ILRUN: variants seen among roughly 807,000 people sequenced by gnomAD.
ILRUN encodes the protein protein ILRUN.
ILRUN carries 3 observed loss-of-function variants against 33.8 expected under a neutral mutation model. That is an observed-to-expected ratio of 0.09 (90% CI 0.04 to 0.23). The LOEUF is 0.23. Ranked by LOEUF, ILRUN falls within the 10% of genes least tolerant of loss-of-function variation. The pLI is 1.00. For missense variants in ILRUN, 210 were observed against 375.1 expected (o/e 0.56, Z 3.64); for synonymous variants, 124 against 138.9 (o/e 0.89, Z 0.75).
chr6:34,682,319 G>C (rs1212095251), intron 1 of ILRUN, among the ~76,000 whole-genome samples: 2 of 148,048 alleles, frequency 1.4e-5, no homozygotes, highest in Non-Finnish European at 3.0e-5. Context: ...GTGCGGTGGC[G>C]CGATCTCGGC....
At chr6:34,648,106 T>C (rs1194088485) in intron 2 of ILRUN, among the ~76,000 whole-genome samples, 1 of 152,238 alleles carries the variant, frequency 6.6e-6, no homozygotes, top group South Asian at 2.1e-4. Flanking sequence ...AGTGACTAGA[T>C]GTGATTTTTC....
At chr6:34,639,123 A>G (rs1762420745) in intron 3 of ILRUN, among the ~76,000 whole-genome samples, 1 of 152,256 alleles carries the variant, frequency 6.6e-6, no homozygotes, top group Non-Finnish European at 1.5e-5. Context: ...TAAACAGTGT[A>G]GTTTACATAG....
chr6:34,588,369 A>G lies in ILRUN; in HGVS notation c.*2196T>C. ...CCCTGCTGGGAAACTGGGAAGGGGC[A>G]CCCAGTGTTGGGCAGAAGAGGAAGT... On this transcript the variant is annotated 3_prime_UTR_variant, in exon 5 of 5. Coordinates refer to ENST00000374023, the MANE Select transcript of ILRUN (RefSeq NM_024294.4). 1 of 397,510 alleles carries G rather than the reference A, an allele frequency of 2.5e-6. No homozygotes were observed. Among genetic ancestry groups the G allele is most frequent in the Non-Finnish European group, 4.4e-6 (1 of 225,888 alleles). The allele number at this position is 397,510 out of a possible 1,614,324, so 24.6% of individuals were successfully genotyped here.
chr6:34,639,720 AGAACCAGTTTCCTTCT>A (rs2127354964), intron 3 of ILRUN, among the ~76,000 whole-genome samples: 1 of 152,340 alleles, frequency 6.6e-6, no homozygotes, highest in South Asian at 2.1e-4. Context: ...TTAACACCCT[AGAACCAGTTTCCTTCT>A]GAACCCCATA....
chr6:34,663,625 T>A (rs900869879), intron 1 of ILRUN, among the ~76,000 whole-genome samples: 3 of 152,164 alleles, frequency 2.0e-5, no homozygotes, highest in African/African-American at 4.8e-5. Flanking sequence ...AATATAGGCA[T>A]GAGCCACCCC....
intron 3 of ILRUN, among the ~76,000 whole-genome samples, chr6:34,640,124 C>T (rs907944735): frequency 6.6e-5 from 10 of 151,906 alleles, no homozygotes; most frequent in African/African-American, 2.2e-4. Context: ...TAGTCTTGGA[C>T]CAAGTGAGCT....
intron 3 of ILRUN, among the ~76,000 whole-genome samples, chr6:34,622,976 G>C (rs956038164): frequency 6.6e-6 from 1 of 152,178 alleles, no homozygotes; most frequent in African/African-American, 2.4e-5. Context: ...ATAATGTTAA[G>C]TGAAATAAAG....
intron 3 of ILRUN, chr6:34,617,051 G>A: frequency 1.9e-6 from 1 of 527,784 alleles, no homozygotes; most frequent in Non-Finnish European, 3.7e-6. Context: ...TCGACCTCTT[G>A]GTAAATATGG....
intron 1 of ILRUN, among the ~76,000 whole-genome samples, chr6:34,670,652 A>G (rs1763097128): frequency 6.6e-6 from 1 of 151,616 alleles, no homozygotes; most frequent in African/African-American, 2.4e-5. Flanking sequence ...GGAGTTCGAG[A>G]CCAGCTTGGC....
chr6:34,614,150 C>T (rs532309330), intron 3 of ILRUN, among the ~76,000 whole-genome samples: 1 of 152,144 alleles, frequency 6.6e-6, no homozygotes, highest in South Asian at 2.1e-4. Flanking sequence ...TGGCTGGGTG[C>T]GGTGGCTCAC....
At chr6:34,602,258 G>T (rs921737153) in intron 4 of ILRUN, among the ~76,000 whole-genome samples, 9 of 152,088 alleles carry the variant, frequency 5.9e-5, no homozygotes, top group African/African-American at 2.2e-4. Context: ...CTGTCCTAAA[G>T]AACAGCCCCT....
At chr6:34,656,454 G>A (rs1762773865) in intron 1 of ILRUN, among the ~76,000 whole-genome samples, 2 of 152,058 alleles carry the variant, frequency 1.3e-5, no homozygotes, top group Non-Finnish European at 2.9e-5. Context: ...AGTAAGCTGC[G>A]TTCATTACAG....
chr6:34,626,320 T>C (rs1762129119), intron 3 of ILRUN, among the ~76,000 whole-genome samples: 1 of 152,154 alleles, frequency 6.6e-6, no homozygotes, highest in Non-Finnish European at 1.5e-5. Context: ...TACAGGTGCA[T>C]GTCACCATGC....
At chr6:34,623,328 G>A (rs773603794) in intron 3 of ILRUN, among the ~76,000 whole-genome samples, 1 of 152,126 alleles carries the variant, frequency 6.6e-6, no homozygotes, top group Non-Finnish European at 1.5e-5. Flanking sequence ...TTATTATGTG[G>A]CAGAATTAGA....
intron 3 of ILRUN, among the ~76,000 whole-genome samples, chr6:34,629,991 A>G (rs897379911): frequency 6.6e-6 from 1 of 152,198 alleles, no homozygotes; most frequent in East Asian, 1.9e-4. Flanking sequence ...GTAAGAGGTT[A>G]ACAATAACTG....
intron 4 of ILRUN, among the ~76,000 whole-genome samples, chr6:34,596,265 G>A (rs1024275557): frequency 1.3e-5 from 2 of 152,196 alleles, no homozygotes; most frequent in Non-Finnish European, 2.9e-5. Flanking sequence ...AAGGACTTCT[G>A]TAAGATGATT....
intron 1 of ILRUN, among the ~76,000 whole-genome samples, chr6:34,665,251 T>C (rs1305303143): frequency 1.5e-5 from 2 of 134,210 alleles, no homozygotes; most frequent in Non-Finnish European, 3.1e-5. Flanking sequence ...AGCCCAGGAG[T>C]TCAAGACCAG....
At chr6:34,689,377 A>G (rs1056759200) in intron 1 of ILRUN, among the ~76,000 whole-genome samples, 10 of 152,182 alleles carry the variant, frequency 6.6e-5, no homozygotes, top group African/African-American at 2.4e-4. Context: ...TGAAAATAAA[A>G]TAGTTAATTT....
rs1203721482 is a variant in ILRUN at position 34,637,843 on chromosome 6, TTGC to T, written c.511+8755_511+8757del. On this transcript the variant is annotated intron_variant, in intron 3 of 4. Transcript: ENST00000374023. Reference sequence around the variant, plus strand: ...CAGTCATTTCACATTGCTGTTGTTGTTGCTGCTGCTGCTGCTGCTGCTGTTGTT... The same window carrying T: ...CAGTCATTTCACATTGCTGTTGTTGTTGCTGCTGCTGCTGCTGCTGTTGTT... Among the ~76,000 whole-genome samples, 123 of 141,332 alleles carry T rather than the reference TTGC, an allele frequency of 8.7e-4. 1 individual carries two copies. The highest frequency in any genetic ancestry group is 3.6e-3 in the Middle Eastern group (1 of 276). 92.7% of individuals were successfully genotyped at this position (141,332 alleles called of 152,430 possible).
Sources: gnomAD v4.1 joint callset for allele counts (sites outside exome capture counted in the v4.1 genomes callset) on GRCh38, gnomAD v4.1.1 for gene constraint, MANE v1.5 for transcripts, NCBI Gene and HGNC (gene_info 2026-07-23, HGNC 2026-07-21) for gene names.